Variants in ASPH observed in about 807,000 individuals in gnomAD.
ASPH encodes aspartate beta-hydroxylase.
ASPH carries 100 observed loss-of-function variants against 118.4 expected under a neutral mutation model. The observed-to-expected ratio is 0.84, with a 90% CI of 0.72 to 1.00. The LOEUF (loss-of-function observed/expected upper bound fraction) is 1.00, where lower values mean the gene tolerates loss of function less well. Among genes scored for constraint, ASPH ranks in the 50% least tolerant of loss-of-function variants. ASPH has a pLI of 0.00. For synonymous variants in ASPH, 315 were observed against 325.6 expected (o/e 0.97, Z 0.35); for missense variants, 920 against 919.5 (o/e 1.00, Z -0.01).
In ASPH at chr8:61,714,446, C is replaced by G. The variant is rs1161304141; in HGVS notation, c.-75G>C. Reference sequence around the variant, plus strand: ...CGGGGGTACACACGCGACGCGGGAACCGCTGGCGGCGGCGGGCCGCTGGAG... The same window carrying G: ...CGGGGGTACACACGCGACGCGGGAAGCGCTGGCGGCGGCGGGCCGCTGGAG... On this transcript the variant is annotated 5_prime_UTR_variant, in exon 1 of 25. Coordinates refer to ENST00000379454, the MANE Select transcript of ASPH (RefSeq NM_004318.4). 2.3e-5 allele frequency: 31 copies of G among 1,359,570 alleles called. No homozygotes were observed. Among genetic ancestry groups the G allele is most frequent in the Admixed American group, 3.7e-5 (1 of 27,280 alleles). 84.2% of individuals were successfully genotyped at this position (1,359,570 alleles called of 1,614,324 possible). A position where few individuals can be genotyped will look rare whatever the true frequency, so the allele number is the denominator to read the frequency against.
At chr8:61,544,267 T>C (rs1823004009) in intron 21 of ASPH, among the ~76,000 whole-genome samples, 1 of 152,226 alleles carries the variant, frequency 6.6e-6, no homozygotes, top group Admixed American at 6.5e-5. Flanking sequence ...AATTGTTGTA[T>C]GTCTTTGCTA....
rs148363888 is a variant in ASPH, at chr8:61,533,942, C to G, written c.1765-7830G>C. Among the ~76,000 whole-genome samples the G allele has an allele frequency of 6.0e-3, 908 of 152,180 alleles. 13 individuals are homozygous for G. Among genetic ancestry groups the G allele is most frequent in the African/African-American group, 0.021 (870 of 41,536 alleles). ...AATGCATGTGCTCAGTTTGTTTAATCCTTCTTGACTCTTTATTTTTTTGAG... is the reference window on the plus strand; with the variant it reads ...AATGCATGTGCTCAGTTTGTTTAATGCTTCTTGACTCTTTATTTTTTTGAG... On this transcript the variant is annotated intron_variant, in intron 21 of 24. Coordinates refer to ENST00000379454, the MANE Select transcript of ASPH (RefSeq NM_004318.4).
rs1826371920 is a variant in ASPH at position 61,678,371 on chromosome 8, T to C, written c.322+2597A>G. Reference sequence around the variant, plus strand: ...CAATAATCTGAACTACAACAAAAGATACCTATATTTTAGTTAATTTGGCCA... The same window carrying C: ...CAATAATCTGAACTACAACAAAAGACACCTATATTTTAGTTAATTTGGCCA... On this transcript the variant is annotated intron_variant, in intron 3 of 24. Coordinates refer to ENST00000379454, the MANE Select transcript of ASPH (RefSeq NM_004318.4). 2.0e-5 allele frequency among the ~76,000 whole-genome samples: 3 copies of C among 152,230 alleles called. No individual in the cohort carries two copies. In the South Asian group the frequency reaches 6.2e-4, roughly 32 times the overall value.
intron 22 of ASPH, among the ~76,000 whole-genome samples, chr8:61,523,476 CA>C (rs1814025428): frequency 6.6e-6 from 1 of 151,800 alleles, no homozygotes; most frequent in Non-Finnish European, 1.5e-5. Flanking sequence ...CCACTATGCC[CA>C]GCTAATTTTT....
chr8:61,540,732 C>T (rs1306463295), intron 21 of ASPH, among the ~76,000 whole-genome samples: 1 of 152,038 alleles, frequency 6.6e-6, no homozygotes, highest in Non-Finnish European at 1.5e-5. Context: ...GAGCACTGTC[C>T]CCTGCCTTCA....
chr8:61,683,214 G>A (rs912749413), intron 2 of ASPH, among the ~76,000 whole-genome samples: 1 of 151,728 alleles, frequency 6.6e-6, no homozygotes, highest in African/African-American at 2.4e-5. Flanking sequence ...GGGGAAGGGG[G>A]TAACAAAAAT....
At chr8:61,638,455 G>A in intron 10 of ASPH, 92 bp from the exon 11 acceptor site, 3 of 1,119,540 alleles carry the variant, frequency 2.7e-6, no homozygotes, top group South Asian at 1.4e-5. Context: ...AATGCCTTAT[G>A]CATCTTTGAA....
At chr8:61,532,976 C>T (rs1159263980) in intron 21 of ASPH, among the ~76,000 whole-genome samples, 1 of 152,118 alleles carries the variant, frequency 6.6e-6, no homozygotes, top group African/African-American at 2.4e-5. Context: ...TTTCCTGTTT[C>T]TTGAAATTTC....
intron 14 of ASPH, among the ~76,000 whole-genome samples, chr8:61,614,649 T>A: frequency 6.7e-6 from 1 of 150,094 alleles, no homozygotes; most frequent in Non-Finnish European, 1.5e-5. Context: ...TGGGTTTTTG[T>A]TGTTGTTGTT....
chr8:61,648,973 G>C (rs1241814708), intron 5 of ASPH, among the ~76,000 whole-genome samples: 3 of 152,154 alleles, frequency 2.0e-5, no homozygotes, highest in African/African-American at 7.2e-5. Context: ...GCAGTGATAG[G>C]CTTGGCAATT....
At chr8:61,583,798 T>G in intron 15 of ASPH, 146 bp downstream of exon 15, 1 of 583,900 alleles carries the variant, frequency 1.7e-6, no homozygotes, top group Non-Finnish European at 2.9e-6. Flanking sequence ...TCATTTCATG[T>G]GGAATGTTCA....
At chr8:61,649,273 G>C (rs1399948414) in intron 5 of ASPH, among the ~76,000 whole-genome samples, 3 of 152,194 alleles carry the variant, frequency 2.0e-5, no homozygotes, top group Middle Eastern at 3.4e-3. Context: ...GAAAACTCTC[G>C]AGTTTTCAAG....
At chr8:61,582,622 T>C (rs887044216) in intron 15 of ASPH, among the ~76,000 whole-genome samples, 4 of 152,232 alleles carry the variant, frequency 2.6e-5, no homozygotes, top group Non-Finnish European at 4.4e-5. Context: ...TCTATTTTTA[T>C]TGGCAAACCT....
Position 61,668,871 on chromosome 8 carries a change from G to A in ASPH, c.322+12097C>T, listed in dbSNP as rs369303376. ...CTTTCTATTTCCTCTCTTGGCAAAT[G>A]AAAGTTCTGATAATAGATTTATTTT... On this transcript the variant is annotated intron_variant, in intron 3 of 24. Coordinates refer to ENST00000379454, the MANE Select transcript of ASPH (RefSeq NM_004318.4). 6.7e-4 allele frequency among the ~76,000 whole-genome samples: 102 copies of A among 152,276 alleles called. 1 individual carries two copies. The South Asian group carries it at 0.021, about 31-fold the overall frequency.
In ASPH at chr8:61,666,795, G is replaced by A. The variant is rs923194465; in HGVS notation, c.323-13135C>T. Reference sequence around the variant, plus strand: ...CAGAATAGTATTCATTCAGGATCATGCTGAGTCTTCATTCTACTTCAATGC... The same window carrying A: ...CAGAATAGTATTCATTCAGGATCATACTGAGTCTTCATTCTACTTCAATGC... On this transcript the variant is annotated intron_variant, in intron 3 of 24. Transcript: ENST00000379454. 5.3e-5 allele frequency among the ~76,000 whole-genome samples: 8 copies of A among 152,142 alleles called. No individual in the cohort carries two copies. In the East Asian group the frequency reaches 1.4e-3, roughly 26 times the overall value.
intron 21 of ASPH, among the ~76,000 whole-genome samples, chr8:61,542,209 T>C (rs897993085): frequency 5.3e-5 from 8 of 152,236 alleles, no homozygotes; most frequent in African/African-American, 1.9e-4. Context: ...CAGTATTTCA[T>C]GTCCTTACAT....
chr8:61,569,121 G>C (rs1045951666), intron 16 of ASPH, among the ~76,000 whole-genome samples: 1 of 152,172 alleles, frequency 6.6e-6, no homozygotes, highest in African/African-American at 2.4e-5. Flanking sequence ...ACAGGTAGAG[G>C]ATGGCTGTTA....
chr8:61,680,757 A>T (rs1827641678), intron 3 of ASPH: 2 of 375,408 alleles, frequency 5.3e-6, no homozygotes, highest in Non-Finnish European at 9.5e-6. Context: ...TATGTGTAAG[A>T]GATATACACT....
At chr8:61,538,188 T>C (rs985637727) in intron 21 of ASPH, among the ~76,000 whole-genome samples, 4 of 152,194 alleles carry the variant, frequency 2.6e-5, no homozygotes, top group Non-Finnish European at 4.4e-5. Flanking sequence ...TTGCCCAAAG[T>C]GTCAGAGCTG....
Sources: gnomAD v4.1 joint callset for allele counts (sites outside exome capture counted in the v4.1 genomes callset) on GRCh38, gnomAD v4.1.1 for gene constraint, MANE v1.5 for transcripts, NCBI Gene and HGNC (gene_info 2026-07-23, HGNC 2026-07-21) for gene names.